The following SPTLC1 variants were observed in gnomAD, a reference collection of about 807,000 sequenced individuals.
SPTLC1 encodes serine palmitoyltransferase long chain base subunit 1, also known as serine palmitoyltransferase 1.
SPTLC1 carries 55 observed loss-of-function variants against 68.9 expected under a neutral mutation model. That is an observed-to-expected ratio of 0.80 (90% CI 0.64 to 1.00). The LOEUF is 1.00. Among genes scored for constraint, SPTLC1 ranks in the 50% least tolerant of loss-of-function variants. SPTLC1 has a pLI of 0.00. For synonymous variants in SPTLC1, 197 were observed against 201.6 expected, an observed-to-expected ratio of 0.98 and a Z score of 0.19; for missense variants, 449 against 573.1, an observed-to-expected ratio of 0.78 and a Z score of 2.21.
intron 6 of SPTLC1, 138 bp from the exon 7 acceptor site, chr9:92,059,446 AT>A: frequency 1.1e-6 from 1 of 876,904 alleles, no homozygotes. Context: ...ATGTTTGAAT[AT>A]TTATACATCA....
intron 3 of SPTLC1, 87 bp from the exon 4 acceptor site, chr9:92,081,050 G>A (rs894976587): frequency 4.0e-6 from 4 of 988,486 alleles, no homozygotes; most frequent in African/African-American, 3.2e-5. Flanking sequence ...CAACAACATA[G>A]TGTTGTCATC....
In SPTLC1 at chr9:92,055,432, A is replaced by G. The variant is rs572284848; in HGVS notation, c.753T>C (p.Thr251=). 4 of 1,613,812 alleles carry G rather than the reference A, an allele frequency of 2.5e-6. No homozygotes were observed. In the South Asian group the frequency reaches 3.3e-5, roughly 13 times the overall value. Residue 251 remains threonine, a synonymous_variant, in exon 8 of 15, where the codon ACT becomes ACC. Coordinates refer to ENST00000262554, the MANE Select transcript of SPTLC1 (RefSeq NM_006415.4). ...FIVVEGLYMN[T]GTICPLPELV... ...ATTCTGGAAGAGGACAAATAGTTCC[A>G]GTATTCATATACAATCCTTCTACTA... is the stretch of plus-strand genomic sequence containing the variant.
intron 13 of SPTLC1, 37 bp downstream of exon 13, chr9:92,038,211 T>C (rs1232293502): frequency 7.3e-7 from 1 of 1,360,966 alleles, no homozygotes; most frequent in Non-Finnish European, 1.1e-6. Context: ...AGGGCAGAAG[T>C]GGTGTGGGGG....
chr9:92,081,385 G>A (rs1026404165), intron 3 of SPTLC1, among the ~76,000 whole-genome samples: 15 of 152,264 alleles, frequency 9.9e-5, no homozygotes, highest in Admixed American at 2.0e-4. Flanking sequence ...ATAGTTAAAC[G>A]GCTTAAAAAG....
Position 92,038,334 on chromosome 9 carries a change from G to C in SPTLC1, c.1168C>G (p.Leu390Val). The C allele has an allele frequency of 6.2e-7, 1 of 1,613,960 alleles. No homozygotes were observed. The highest frequency in any genetic ancestry group is 1.3e-5 in the African/African-American group (1 of 75,012). The change falls in exon 13 of 15, where the codon CTT becomes GTT. Residue 390 changes from leucine (L) to valine (V), a missense_variant. Physicochemically the swap from Leu to Val is conservative, Grantham distance 32. This residue lies in a region of SPTLC1 where 391 missense variants were observed against 472.1 expected (regional missense o/e 0.83). Coordinates refer to ENST00000262554, the MANE Select transcript of SPTLC1 (RefSeq NM_006415.4). ...AGTTGTAGGTGAAAGGCTGGAGAAA[G>C]GGACTCCCCCACCACTTTTAATCCA... The part of the protein sequence containing the change: ...ISGLKVVGES[L>V]SPAFHLQLEE...
At chr9:92,052,935 G>C (rs1336938637) in intron 8 of SPTLC1, among the ~76,000 whole-genome samples, 1 of 150,814 alleles carries the variant, frequency 6.6e-6, no homozygotes, top group Non-Finnish European at 1.5e-5. Context: ...TCAAAGGACA[G>C]TATCAAATAA....
chr9:92,056,119 A>C (rs908405210), intron 7 of SPTLC1, among the ~76,000 whole-genome samples: 1 of 152,164 alleles, frequency 6.6e-6, no homozygotes, highest in Non-Finnish European at 1.5e-5. Flanking sequence ...TTCACCTCCC[A>C]AAAAAAGGGG....
intron 9 of SPTLC1, among the ~76,000 whole-genome samples, chr9:92,049,034 T>C (rs1004121734): frequency 6.6e-6 from 1 of 152,212 alleles, no homozygotes; most frequent in African/African-American, 2.4e-5. Flanking sequence ...TAAATCTGCT[T>C]GAATTACACT....
chr9:92,053,060 T>TA (rs1308945712), intron 8 of SPTLC1, among the ~76,000 whole-genome samples: 1 of 146,304 alleles, frequency 6.8e-6, no homozygotes, highest in Non-Finnish European at 1.5e-5. Flanking sequence ...CAACCCAATT[T>TA]AAAAAATGGG....
chr9:92,051,562 C>A (rs1179339482), intron 8 of SPTLC1, among the ~76,000 whole-genome samples: 2 of 152,168 alleles, frequency 1.3e-5, no homozygotes, highest in Non-Finnish European at 2.9e-5. Flanking sequence ...AGATCAGGAA[C>A]AAGACAAAGA....
Position 92,034,276 on chromosome 9 carries a change from G to A in SPTLC1, c.1328+534C>T, listed in dbSNP as rs1247010725. On this transcript the variant is annotated intron_variant, in intron 14 of 14. Transcript: ENST00000262554. ...GATGGCCAACTCCTTGGACTACCTC[G>A]TATATGCTTTGTGAACAGAATCCAG... Among the ~76,000 whole-genome samples the A allele has an allele frequency of 2.6e-5, 4 of 152,258 alleles. No individual in the cohort carries two copies. In the East Asian group the frequency reaches 5.8e-4, roughly 22 times the overall value.
At chr9:92,060,587 C>G (rs1411640314) in intron 6 of SPTLC1, among the ~76,000 whole-genome samples, 1 of 152,072 alleles carries the variant, frequency 6.6e-6, no homozygotes, top group Admixed American at 6.5e-5. Flanking sequence ...GAGGAAGGAT[C>G]AGTGAACTGA....
At chr9:92,087,330 A>T (rs1464235486) in intron 3 of SPTLC1, among the ~76,000 whole-genome samples, 5 of 152,064 alleles carry the variant, frequency 3.3e-5, no homozygotes, top group Admixed American at 1.3e-4. Context: ...TGCTTTTTAG[A>T]GTTTCCAGTT....
intron 9 of SPTLC1, among the ~76,000 whole-genome samples, chr9:92,049,506 C>T (rs1047807861): frequency 2.6e-5 from 4 of 152,084 alleles, no homozygotes; most frequent in Non-Finnish European, 5.9e-5. Context: ...TGCACACACA[C>T]ACGCACGCAC....
intron 8 of SPTLC1, chr9:92,050,363 C>T: frequency 5.7e-6 from 2 of 349,638 alleles, no homozygotes; most frequent in Non-Finnish European, 1.1e-5. Context: ...TGAACAACTA[C>T]CCTTTTCATG....
chr9:92,045,942 A>G, intron 12 of SPTLC1, 57 bp downstream of exon 12: 1 of 1,491,220 alleles, frequency 6.7e-7, no homozygotes, highest in Non-Finnish European at 9.3e-7. Context: ...ACTTTCCATT[A>G]GTTGTTAAGT....
At chr9:92,081,089 T>C in intron 3 of SPTLC1, 126 bp from the exon 4 acceptor site, 1 of 711,952 alleles carries the variant, frequency 1.4e-6, no homozygotes, top group Non-Finnish European at 2.5e-6. Flanking sequence ...GGTCTTTGAT[T>C]TCTTGTTTTT....
At chr9:92,035,303 C>A (rs1041976033) in intron 13 of SPTLC1, among the ~76,000 whole-genome samples, 2 of 152,190 alleles carry the variant, frequency 1.3e-5, no homozygotes, top group Non-Finnish European at 2.9e-5. Context: ...TGACCACCAC[C>A]ACCAGTAGAA....
chr9:92,088,130 T>C (rs2118726644), intron 3 of SPTLC1, among the ~76,000 whole-genome samples: 1 of 152,298 alleles, frequency 6.6e-6, no homozygotes, highest in Middle Eastern at 3.4e-3. Flanking sequence ...AGTGACCCAA[T>C]TTTTCAGGTG....
Sources: allele counts gnomAD v4.1 joint callset (sites outside exome capture counted in the v4.1 genomes callset), GRCh38; gene constraint gnomAD v4.1.1; regional missense constraint gnomAD v4.1.1; transcripts MANE v1.5; gene names NCBI Gene and HGNC (gene_info 2026-07-23, HGNC 2026-07-21).